Variants in HECW2 observed in about 807,000 individuals in gnomAD.
HECW2 encodes HECT, C2 and WW domain containing E3 ubiquitin protein ligase 2, also known as E3 ubiquitin-protein ligase HECW2.
In HECW2, 61 loss-of-function variants were observed where a neutral mutation model predicts 175.2. The observed-to-expected ratio is 0.35, with a 90% confidence interval of 0.28 to 0.43. The LOEUF is 0.43. Ranked by LOEUF, HECW2 falls within the 20% of genes least tolerant of loss-of-function variation. HECW2 has a pLI of 1.00. For synonymous variants in HECW2, 671 were observed against 731.0 expected (o/e 0.92, Z 1.32); for missense variants, 1,524 against 2,000.5 (o/e 0.76, Z 4.54).
intron 28 of HECW2, among the ~76,000 whole-genome samples, chr2:196,201,990 A>G (rs1364338762): frequency 6.6e-6 from 1 of 152,218 alleles, no homozygotes; most frequent in African/African-American, 2.4e-5. Context: ...CAATAACAAA[A>G]TAAGCAATTT....
intron 19 of HECW2, among the ~76,000 whole-genome samples, chr2:196,251,813 A>G (rs1008489986): frequency 3.9e-5 from 6 of 152,042 alleles, no homozygotes; most frequent in Non-Finnish European, 1.5e-5. Flanking sequence ...TTTCTAATTT[A>G]TCCTCCCAAT....
chr2:196,377,373 C>T (rs61644428), intron 2 of HECW2, among the ~76,000 whole-genome samples: 21,575 of 152,136 alleles, frequency 0.14, 1,619 homozygotes, highest in Middle Eastern at 0.25. Context: ...AAGACATACC[C>T]GAAACTGGGT....
At chr2:196,555,526 A>G (rs1204764232) in intron 1 of HECW2, among the ~76,000 whole-genome samples, 2 of 152,212 alleles carry the variant, frequency 1.3e-5, no homozygotes, top group Non-Finnish European at 2.9e-5. Flanking sequence ...GGTCCTATCA[A>G]AACATCTTGC....
chr2:196,318,212 C>T (rs1015632702), intron 9 of HECW2, among the ~76,000 whole-genome samples: 3 of 152,158 alleles, frequency 2.0e-5, no homozygotes, highest in African/African-American at 7.2e-5. Flanking sequence ...GCAGAAGAGC[C>T]ATTTTTTAAA....
At chr2:196,243,519 A>T (rs1381008458) in intron 19 of HECW2, among the ~76,000 whole-genome samples, 3 of 152,126 alleles carry the variant, frequency 2.0e-5, no homozygotes, top group Admixed American at 6.6e-5. Flanking sequence ...AGATTATATA[A>T]GCATATTTTA....
intron 2 of HECW2, among the ~76,000 whole-genome samples, chr2:196,383,870 G>A (rs537946643): frequency 5.3e-5 from 8 of 152,304 alleles, no homozygotes; most frequent in African/African-American, 1.4e-4. Flanking sequence ...ACGGCAAAAG[G>A]TTAAACAGTT....
intron 22 of HECW2, 64 bp from the exon 23 acceptor site, chr2:196,225,934 C>T: frequency 9.9e-7 from 1 of 1,006,338 alleles, no homozygotes; most frequent in Non-Finnish European, 1.6e-6. Flanking sequence ...GTTCCATATG[C>T]TTTCTAGAAT....
intron 1 of HECW2, among the ~76,000 whole-genome samples, chr2:196,537,797 T>C (rs115981198): frequency 0.013 from 1,910 of 152,294 alleles, 39 homozygotes; most frequent in African/African-American, 0.044. Flanking sequence ...CAATTTTTCT[T>C]TGAAGATAAT....
intron 1 of HECW2, among the ~76,000 whole-genome samples, chr2:196,447,741 A>C (rs1483926532): frequency 6.6e-6 from 1 of 152,158 alleles, no homozygotes; most frequent in African/African-American, 2.4e-5. Flanking sequence ...GAAAAAAATG[A>C]ATTATCCCAA....
chr2:196,296,770 G>A (rs13432229), intron 13 of HECW2, among the ~76,000 whole-genome samples: 2 of 152,096 alleles, frequency 1.3e-5, no homozygotes, highest in Non-Finnish European at 2.9e-5. Flanking sequence ...TGAAACACAC[G>A]GACAGAATGA....
chr2:196,211,265 G>C (rs1275181983), intron 28 of HECW2, among the ~76,000 whole-genome samples: 1 of 152,186 alleles, frequency 6.6e-6, no homozygotes, highest in Non-Finnish European at 1.5e-5. Flanking sequence ...GCAGTTTTCA[G>C]GCTGGCATCT....
At chr2:196,257,084 C>A (rs10197857) in intron 18 of HECW2, among the ~76,000 whole-genome samples, 11,807 of 152,258 alleles carry the variant, frequency 0.078, 926 homozygotes, top group African/African-American at 0.19. Context: ...GCTCAGTATG[C>A]TGTTCCTTTT....
intron 1 of HECW2, among the ~76,000 whole-genome samples, chr2:196,562,029 G>A (rs776600898): frequency 3.3e-5 from 5 of 152,294 alleles, no homozygotes; most frequent in East Asian, 3.9e-4. Context: ...GTATGACAAC[G>A]CTTTAGACAG....
chr2:196,343,933 T>C (rs1009955035), intron 2 of HECW2, among the ~76,000 whole-genome samples, 169 bp from the exon 3 acceptor site: 2 of 152,174 alleles, frequency 1.3e-5, no homozygotes, highest in African/African-American at 2.4e-5. Flanking sequence ...TTTCTGTGCT[T>C]GCATTTATGT....
At position 196,318,970 on chromosome 2, in the gene HECW2, G is replaced by A. The variant is rs370830289; in HGVS notation, c.1920C>T (p.Cys640=). The A allele has an allele frequency of 5.6e-5, 90 of 1,612,948 alleles. 1 individual carries two copies. Among genetic ancestry groups the A allele is most frequent in the African/African-American group, 3.1e-4 (23 of 75,038 alleles). The change falls in exon 9 of 29, where the codon TGC becomes TGT. Residue 640 remains cysteine, a synonymous_variant. Transcript: ENST00000644978. ...CACTCTCATTGCAGGAGCTGTCAGC[G>A]CATTCCAGGTCACTCTCTCCCTCAG... ...TRPEGESDLE[C]ADSSCNESVT... is the part of the protein sequence containing the mutation.
chr2:196,419,034 T>C (rs756059475), intron 2 of HECW2, among the ~76,000 whole-genome samples: 12 of 152,186 alleles, frequency 7.9e-5, no homozygotes, highest in Non-Finnish European at 1.6e-4. Context: ...CTCGAATGAA[T>C]TAATGAATCT....
intron 2 of HECW2, among the ~76,000 whole-genome samples, chr2:196,357,677 G>A (rs1177865543): frequency 6.6e-6 from 1 of 152,146 alleles, no homozygotes; most frequent in African/African-American, 2.4e-5. Flanking sequence ...CCCACATGTC[G>A]AGGGAGGGAG....
chr2:196,365,536 G>C (rs569589275), intron 2 of HECW2, among the ~76,000 whole-genome samples: 1 of 152,244 alleles, frequency 6.6e-6, no homozygotes, highest in African/African-American at 2.4e-5. Context: ...AGGAATGCTT[G>C]TCCCGTTGTC....
At chr2:196,460,101 C>T (rs1442721634) in intron 1 of HECW2, among the ~76,000 whole-genome samples, 3 of 152,068 alleles carry the variant, frequency 2.0e-5, no homozygotes, top group African/African-American at 7.2e-5. Flanking sequence ...CAGGCTGCAA[C>T]CCTTTATGAA....
Sources: allele counts gnomAD v4.1 joint callset (sites outside exome capture counted in the v4.1 genomes callset), GRCh38; gene constraint gnomAD v4.1.1; transcripts MANE v1.5; gene names NCBI Gene and HGNC (gene_info 2026-07-23, HGNC 2026-07-21).